The following UFSP2 variants were observed in gnomAD, a reference collection of about 807,000 sequenced individuals.
UFSP2 encodes ufm1-specific protease 2.
In UFSP2, 43 loss-of-function variants were observed where a neutral mutation model predicts 60.2. That is an observed-to-expected ratio of 0.71 (90% confidence interval 0.56 to 0.92). The LOEUF is 0.92. Among genes scored for constraint, UFSP2 ranks in the 40% least tolerant of loss-of-function variants. The pLI, the probability that UFSP2 is intolerant of heterozygous loss-of-function variation, is 0.00. For synonymous variants in UFSP2, 183 were observed against 195.1 expected (o/e 0.94, Z 0.52); for missense variants, 520 against 575.0 (o/e 0.90, Z 0.98).
chr4:185,403,632 A>AAAGACACAATGTCAGAT lies in UFSP2; in HGVS notation c.1199-15_1199-14insATCTGACATTGTGTCTT. 1.3e-6 allele frequency: 2 copies of AAAGACACAATGTCAGAT among 1,597,150 alleles called. No individual in the cohort carries two copies. Among genetic ancestry groups the AAAGACACAATGTCAGAT allele is most frequent in the Non-Finnish European group, 1.7e-6 (2 of 1,175,814 alleles). On this transcript the variant is annotated splice_polypyrimidine_tract_variant and intron_variant, in intron 10 of 11. Coordinates refer to ENST00000264689, the MANE Select transcript of UFSP2 (RefSeq NM_018359.5). Reference sequence around the variant, plus strand: ...AAACTCCTCCCCCTATAGAAGAAAAAATAGGAAATACGAATGAAGGCATAA... The same window carrying AAAGACACAATGTCAGAT: ...AAACTCCTCCCCCTATAGAAGAAAAAAAGACACAATGTCAGATATAGGAAATACGAATGAAGGCATAA...
At chr4:185,404,212 A>G (rs1278841179) in intron 10 of UFSP2, among the ~76,000 whole-genome samples, 2 of 152,046 alleles carry the variant, frequency 1.3e-5, no homozygotes, top group East Asian at 3.9e-4. Flanking sequence ...CAACAGAGTA[A>G]CAATCTGCTG....
intron 2 of UFSP2, among the ~76,000 whole-genome samples, chr4:185,421,385 A>G (rs1434942137): frequency 1.3e-5 from 2 of 152,188 alleles, no homozygotes; most frequent in African/African-American, 4.8e-5. Context: ...CAATGTTTGA[A>G]GTGGGGCCTG....
chr4:185,404,395 A>C (rs1036401036), intron 10 of UFSP2, among the ~76,000 whole-genome samples: 1 of 149,538 alleles, frequency 6.7e-6, no homozygotes, highest in African/African-American at 2.5e-5. Context: ...TTCCAGGTTC[A>C]AGCAATTCTC....
chr4:185,409,954 CTGACATTG>C (rs2095526378), intron 7 of UFSP2, among the ~76,000 whole-genome samples: 1 of 152,194 alleles, frequency 6.6e-6, no homozygotes, highest in African/African-American at 2.4e-5. Context: ...GGTGGTCCTG[CTGACATTG>C]TGATGTCAGC....
chr4:185,405,175 T>C (rs951967776), intron 10 of UFSP2, among the ~76,000 whole-genome samples: 1 of 151,656 alleles, frequency 6.6e-6, no homozygotes, highest in African/African-American at 2.4e-5. Context: ...TTTGTGTGTT[T>C]TTTTTTTTTT....
At chr4:185,412,247 C>A (rs1184709318) in intron 7 of UFSP2, among the ~76,000 whole-genome samples, 1 of 152,156 alleles carries the variant, frequency 6.6e-6, no homozygotes, top group Non-Finnish European at 1.5e-5. Context: ...AAAAAGCAAT[C>A]AGTACTCATT....
chr4:185,413,613 TC>T, intron 7 of UFSP2, 112 bp downstream of exon 7: 1 of 1,055,510 alleles, frequency 9.5e-7, no homozygotes, highest in Non-Finnish European at 1.3e-6. Flanking sequence ...GGGTGATAAA[TC>T]ATGTTTTAGG....
At chr4:185,421,903 A>G (rs1311164252) in intron 2 of UFSP2, among the ~76,000 whole-genome samples, 1 of 152,148 alleles carries the variant, frequency 6.6e-6, no homozygotes, top group Non-Finnish European at 1.5e-5. Flanking sequence ...GACTCAGCCA[A>G]ATGCCTGTTG....
intron 1 of UFSP2, 77 bp downstream of exon 1, chr4:185,425,789 C>T: frequency 6.4e-7 from 1 of 1,559,024 alleles, no homozygotes; most frequent in Non-Finnish European, 8.7e-7. Flanking sequence ...TCCTTTCAGG[C>T]GCTGTGAAGC....
intron 9 of UFSP2, among the ~76,000 whole-genome samples, chr4:185,407,017 CTTTTTTTTT>C (rs34710879): frequency 4.0e-5 from 4 of 99,094 alleles, no homozygotes; most frequent in African/African-American, 1.4e-4. Flanking sequence ...TTTGGCTTTT[CTTTTTTTTT>C]TTTTTTTTTT....
intron 1 of UFSP2, among the ~76,000 whole-genome samples, chr4:185,423,971 AAATG>A (rs1478724729): frequency 5.9e-5 from 9 of 152,290 alleles, no homozygotes; most frequent in Middle Eastern, 3.4e-3. Flanking sequence ...ATTTTGAAAT[AAATG>A]AATAAGTACT....
chr4:185,411,995 A>C (rs2095530215), intron 7 of UFSP2, among the ~76,000 whole-genome samples: 1 of 152,210 alleles, frequency 6.6e-6, no homozygotes, highest in Non-Finnish European at 1.5e-5. Flanking sequence ...ATGAACACAA[A>C]ACCCATAATA....
At chr4:185,418,537 TATGAA>T (rs2095543414) in intron 3 of UFSP2, 30 bp from the exon 4 acceptor site, 6 of 1,610,238 alleles carry the variant, frequency 3.7e-6, no homozygotes, top group Non-Finnish European at 5.1e-6. Flanking sequence ...ACATTTATAA[TATGAA>T]ATGATGTTTT....
At position 185,399,687 on chromosome 4, in the gene UFSP2, C is replaced by T. The variant is rs2095510737; in HGVS notation, c.*705G>A. On this transcript the variant is annotated 3_prime_UTR_variant, in exon 12 of 12. Transcript: ENST00000264689. The stretch of plus-strand genomic sequence containing the variant: ...TGCAGACAATAAAAGCAAGTGAACA[C>T]CCTGACAGGAATGATTGTGTTGCCG... The T allele has an allele frequency of 1.2e-6, 2 of 1,614,110 alleles. No homozygotes were observed. Among genetic ancestry groups the T allele is most frequent in the East Asian group, 2.2e-5 (1 of 44,878 alleles).
intron 9 of UFSP2, 69 bp from the exon 10 acceptor site, chr4:185,405,925 C>A (rs1386595660): frequency 6.2e-7 from 1 of 1,610,848 alleles, no homozygotes; most frequent in African/African-American, 1.3e-5. Context: ...AGCTAGGAGA[C>A]AATGTTTCCT....
intron 10 of UFSP2, among the ~76,000 whole-genome samples, chr4:185,405,356 C>T (rs748145425): frequency 6.6e-6 from 1 of 152,162 alleles, no homozygotes; most frequent in Non-Finnish European, 1.5e-5. Flanking sequence ...CAGGACAGGT[C>T]TTGTTCTTCA....
intron 11 of UFSP2, among the ~76,000 whole-genome samples, chr4:185,402,079 C>T (rs2095513915): frequency 6.6e-6 from 1 of 152,106 alleles, no homozygotes; most frequent in Non-Finnish European, 1.5e-5. Flanking sequence ...ACCACAGCAC[C>T]AGCCTCGTAG....
chr4:185,408,202 T>G, intron 8 of UFSP2, 69 bp downstream of exon 8: 1 of 1,567,792 alleles, frequency 6.4e-7, no homozygotes, highest in Non-Finnish European at 8.7e-7. Flanking sequence ...GTAACAAAAA[T>G]TATCAATGGT....
intron 2 of UFSP2, among the ~76,000 whole-genome samples, chr4:185,421,954 A>C (rs542948421): frequency 1.3e-5 from 2 of 152,340 alleles, no homozygotes; most frequent in African/African-American, 4.8e-5. Flanking sequence ...AAATGAAACA[A>C]ATCTCAAACA....
Sources: gnomAD v4.1 joint callset for allele counts (sites outside exome capture counted in the v4.1 genomes callset) on GRCh38, gnomAD v4.1.1 for gene constraint, MANE v1.5 for transcripts, NCBI Gene and HGNC (gene_info 2026-07-23, HGNC 2026-07-21) for gene names.